SKIC3: variants seen among roughly 807,000 people sequenced by gnomAD.
SKIC3 encodes SKI3 subunit of superkiller complex, also known as superkiller complex protein 3.
At chr5:95,513,370 AT>A in the SKIC3 span, 1 of 551,422 alleles carries the variant, frequency 1.8e-6, no homozygotes, top group Non-Finnish European at 3.2e-6. Context: ...TACCTGGCTA[AT>A]TTTTAATTTT....
At chr5:95,523,977 A>T in the SKIC3 span, 2 of 841,240 alleles carry the variant, frequency 2.4e-6, no homozygotes, top group Non-Finnish European at 3.6e-6. Context: ...AAATCCTTTG[A>T]TGTAAGATTT....
At chr5:95,492,652 G>GAAAAAAAAAAAAAAAAAAAAAAAAAAAA in the SKIC3 span, among the ~76,000 whole-genome samples, 3 of 48,842 alleles carry the variant, frequency 6.1e-5, 1 homozygote, top group Non-Finnish European at 3.1e-5. Flanking sequence ...AAAAAAAAAA[G>GAAAAAAAAAAAAAAAAAAAAAAAAAAAA]AAAAAAAAAA....
chr5:95,510,739 G>GA, the SKIC3 span, among the ~76,000 whole-genome samples: 1 of 152,122 alleles, frequency 6.6e-6, no homozygotes, highest in African/African-American at 2.4e-5. Context: ...CTTGTTCGGG[G>GA]AGACTGATTT....
the SKIC3 span, among the ~76,000 whole-genome samples, chr5:95,552,648 G>A: frequency 3.9e-5 from 6 of 152,062 alleles, no homozygotes; most frequent in Non-Finnish European, 7.4e-5. Flanking sequence ...GAGGGCTTTC[G>A]GAACTCAGTA....
At chr5:95,498,917 G>A in the SKIC3 span, among the ~76,000 whole-genome samples, 1 of 152,118 alleles carries the variant, frequency 6.6e-6, no homozygotes, top group Non-Finnish European at 1.5e-5. Context: ...GAGCCACCGC[G>A]CCCAGCCTAT....
the SKIC3 span, chr5:95,536,949 C>G: frequency 1.9e-6 from 3 of 1,601,542 alleles, no homozygotes; most frequent in African/African-American, 2.7e-5. Context: ...AAGCAAAATA[C>G]ACTACATTCT....
At chr5:95,494,586 A>C in the SKIC3 span, 1 of 1,275,340 alleles carries the variant, frequency 7.8e-7, no homozygotes, top group East Asian at 2.3e-5. Flanking sequence ...CAATGCCAAT[A>C]AAATATATAT....
At chr5:95,504,086 T>TG in the SKIC3 span, 1 of 6,078 alleles carries the variant, frequency 1.6e-4, no homozygotes, top group African/African-American at 5.2e-4. Flanking sequence ...AGGCGGGGGG[T>TG]GGGGGTGGGG....
the SKIC3 span, among the ~76,000 whole-genome samples, chr5:95,474,862 A>G: frequency 6.6e-6 from 1 of 152,210 alleles, no homozygotes; most frequent in Non-Finnish European, 1.5e-5. Flanking sequence ...CCACTTTGTG[A>G]GCTCTGAGAT....
chr5:95,491,140 A>G, the SKIC3 span: 5 of 1,482,740 alleles, frequency 3.4e-6, no homozygotes, highest in Non-Finnish European at 4.6e-6. Context: ...AAAAAATTGT[A>G]TCTAAAAAAA....
the SKIC3 span, chr5:95,517,392 T>C: frequency 6.5e-7 from 1 of 1,535,568 alleles, no homozygotes; most frequent in African/African-American, 1.4e-5. Flanking sequence ...CCCTGATTAT[T>C]ACTTAAAACA....
chr5:95,510,999 A>AT, the SKIC3 span, among the ~76,000 whole-genome samples: 2 of 152,234 alleles, frequency 1.3e-5, no homozygotes, highest in Non-Finnish European at 2.9e-5. Context: ...CACTGTAACC[A>AT]TATCTTTTGT....
the SKIC3 span, chr5:95,484,772 A>G: frequency 1.2e-5 from 20 of 1,614,112 alleles, no homozygotes; most frequent in Non-Finnish European, 1.7e-5. Flanking sequence ...TGTCTATTAG[A>G]CCAGTGACAG....
the SKIC3 span, among the ~76,000 whole-genome samples, chr5:95,545,360 G>T: frequency 5.3e-5 from 8 of 151,986 alleles, no homozygotes; most frequent in Non-Finnish European, 7.4e-5. Context: ...CCTCACAAGG[G>T]TATCCTTTAC....
the SKIC3 span, chr5:95,513,307 A>G: frequency 4.7e-6 from 2 of 423,982 alleles, no homozygotes; most frequent in African/African-American, 2.0e-5. Flanking sequence ...TCCAGGACTC[A>G]ATCCTCCTGC....
the SKIC3 span, chr5:95,528,741 T>C: frequency 2.2e-6 from 1 of 449,552 alleles, no homozygotes; most frequent in East Asian, 4.7e-5. Context: ...ACAGAGGACC[T>C]CCACACCCAA....
chr5:95,513,895 C>T, the SKIC3 span, among the ~76,000 whole-genome samples: 1 of 152,158 alleles, frequency 6.6e-6, no homozygotes, highest in Non-Finnish European at 1.5e-5. Context: ...CATCTAAGAT[C>T]TACTGAGCTA....
the SKIC3 span, chr5:95,529,999 G>C: frequency 6.6e-7 from 1 of 1,523,288 alleles, no homozygotes; most frequent in Non-Finnish European, 9.0e-7. Context: ...ACCTTAGATA[G>C]ACATTCCTTA....
At chr5:95,468,001 A>AG in the SKIC3 span, 1,352 of 1,613,008 alleles carry the variant, frequency 8.4e-4, 1 homozygote, top group Non-Finnish European at 1.1e-3. Flanking sequence ...TGGAAAAAAA[A>AG]AATTTACATT....
Sources: gnomAD v4.1 joint callset for allele counts (sites outside exome capture counted in the v4.1 genomes callset) on GRCh38, gnomAD v4.1.1 for gene constraint, MANE v1.5 for transcripts, NCBI Gene and HGNC (gene_info 2026-07-23, HGNC 2026-07-21) for gene names.